OTOGL: variants seen among roughly 807,000 people sequenced by gnomAD.
The protein encoded by OTOGL is otogelin-like protein.
In OTOGL, 285 loss-of-function variants were observed where a neutral mutation model predicts 318.5. That is an observed-to-expected ratio of 0.89 (90% CI 0.81 to 0.99). OTOGL has a LOEUF of 0.99. Ranked by LOEUF, OTOGL falls within the 50% of genes least tolerant of loss-of-function variation. The probability of loss-of-function intolerance (pLI) is 0.00; values close to 1 mark genes in which losing one functional copy is unlikely to be tolerated. For missense variants in OTOGL, 2,899 were observed against 2,845.6 expected, an observed-to-expected ratio of 1.02 and a Z score of -0.43; for synonymous variants, 987 against 936.5, an observed-to-expected ratio of 1.05 and a Z score of -0.99.
At chr12:80,230,738 T>C (rs953963830) in intron 8 of OTOGL, among the ~76,000 whole-genome samples, 1 of 152,190 alleles carries the variant, frequency 6.6e-6, no homozygotes, top group Non-Finnish European at 1.5e-5. Flanking sequence ...ATATTTGCCA[T>C]AATAAAATCA....
intron 8 of OTOGL, among the ~76,000 whole-genome samples, chr12:80,231,747 G>A (rs1395682421): frequency 6.6e-6 from 1 of 151,632 alleles, no homozygotes; most frequent in Non-Finnish European, 1.5e-5. Flanking sequence ...CGATTCTCCT[G>A]CCTCAGCCTC....
intron 8 of OTOGL, among the ~76,000 whole-genome samples, chr12:80,230,906 A>G (rs753422231): frequency 6.6e-6 from 1 of 152,176 alleles, no homozygotes; most frequent in African/African-American, 2.4e-5. Flanking sequence ...CCTAGGTTGC[A>G]TGCTTTTCTT....
At chr12:80,181,144 A>G (rs898503155) in intron 1 of OTOGL, among the ~76,000 whole-genome samples, 3 of 152,178 alleles carry the variant, frequency 2.0e-5, no homozygotes, top group African/African-American at 4.8e-5. Flanking sequence ...TTCAGCAGAT[A>G]TTACAATTAG....
At chr12:80,249,685 G>T (rs1881305532) in intron 11 of OTOGL, among the ~76,000 whole-genome samples, 1 of 152,056 alleles carries the variant, frequency 6.6e-6, no homozygotes, top group Non-Finnish European at 1.5e-5. Context: ...AGCTGTGGTG[G>T]GCTCCACCCA....
intron 9 of OTOGL, among the ~76,000 whole-genome samples, chr12:80,238,098 T>C (rs1459353033): frequency 6.6e-6 from 1 of 152,222 alleles, no homozygotes; most frequent in Non-Finnish European, 1.5e-5. Flanking sequence ...ACTTAAAAAC[T>C]TGATTTAGAA....
intron 1 of OTOGL, among the ~76,000 whole-genome samples, chr12:80,146,213 T>C (rs1304576763): frequency 6.8e-6 from 1 of 147,246 alleles, no homozygotes; most frequent in East Asian, 1.9e-4. Context: ...ATAGCTCTTA[T>C]TATTTTGAGA....
At chr12:80,291,091 C>T (rs973319814) in intron 26 of OTOGL, among the ~76,000 whole-genome samples, 3 of 152,062 alleles carry the variant, frequency 2.0e-5, no homozygotes, top group Non-Finnish European at 4.4e-5. Flanking sequence ...GAAAATATTT[C>T]AAGTAGAGTA....
intron 1 of OTOGL, among the ~76,000 whole-genome samples, chr12:80,161,869 G>C (rs147022342): frequency 1.1e-4 from 17 of 152,240 alleles, no homozygotes; most frequent in African/African-American, 3.8e-4. Flanking sequence ...GCGTTTCCAA[G>C]TATGTTCTTC....
At chr12:80,189,503 G>A (rs1875528861) in intron 1 of OTOGL, 1 of 958,410 alleles carries the variant, frequency 1.0e-6, no homozygotes, top group Non-Finnish European at 1.2e-6. Context: ...AGCAAAAATT[G>A]TTTAGTACTA....
At chr12:80,153,698 C>T (rs375748889) in intron 1 of OTOGL, among the ~76,000 whole-genome samples, 6 of 152,082 alleles carry the variant, frequency 3.9e-5, no homozygotes, top group South Asian at 2.1e-4. Flanking sequence ...CTCTGTGCTC[C>T]GCCTCTGCAT....
At chr12:80,195,961 C>A (rs1281741049) in intron 1 of OTOGL, among the ~76,000 whole-genome samples, 3 of 152,202 alleles carry the variant, frequency 2.0e-5, no homozygotes, top group Non-Finnish European at 4.4e-5. Flanking sequence ...CATCTAAAAT[C>A]ATGAATACAT....
intron 1 of OTOGL, among the ~76,000 whole-genome samples, chr12:80,150,958 A>C (rs1315290760): frequency 6.6e-6 from 1 of 152,206 alleles, no homozygotes; most frequent in Non-Finnish European, 1.5e-5. Context: ...GATTTTGGCA[A>C]TTTGTTCATG....
At chr12:80,147,069 A>T (rs1006977016) in intron 1 of OTOGL, among the ~76,000 whole-genome samples, 1 of 149,848 alleles carries the variant, frequency 6.7e-6, no homozygotes, top group Non-Finnish European at 1.5e-5. Context: ...TTCTGCTCTG[A>T]TTTTAGTTAT....
In OTOGL at chr12:80,342,290, C is replaced by T. The variant is rs1888831647; in HGVS notation, c.5265+128C>T. On this transcript the variant is annotated intron_variant, in intron 44 of 58. Transcript: ENST00000547103. ...AAACCCCCAACCTTCTGTCAGTATG[C>T]TTTGGAATTCAGAATCACTTATTGT... The T allele has an allele frequency of 1.0e-5, 7 of 669,936 alleles. No individual in the cohort carries two copies. In the East Asian group the frequency reaches 2.0e-4, roughly 19 times the overall value. 41.5% of individuals were successfully genotyped at this position (669,936 alleles called of 1,614,324 possible). A position where few individuals can be genotyped will look rare whatever the true frequency, so the allele number is the denominator to read the frequency against.
intron 1 of OTOGL, among the ~76,000 whole-genome samples, chr12:80,101,971 G>T (rs935374651): frequency 6.6e-6 from 1 of 152,266 alleles, no homozygotes. Context: ...AGGATCAATT[G>T]AATCAAGAAA....
chr12:80,373,028 CATTT>C (rs1890978219), intron 57 of OTOGL, among the ~76,000 whole-genome samples: 1 of 151,976 alleles, frequency 6.6e-6, no homozygotes, highest in African/African-American at 2.4e-5. Context: ...CATGAAACCA[CATTT>C]ATTTTTTCTT....
At chr12:80,157,642 A>G (rs777999361) in intron 1 of OTOGL, among the ~76,000 whole-genome samples, 3 of 152,176 alleles carry the variant, frequency 2.0e-5, no homozygotes, top group Non-Finnish European at 4.4e-5. Context: ...TTTTCTTCAT[A>G]TGGATATCCA....
chr12:80,145,833 G>A (rs1415337553), intron 1 of OTOGL, among the ~76,000 whole-genome samples: 5 of 152,038 alleles, frequency 3.3e-5, no homozygotes, highest in African/African-American at 9.7e-5. Context: ...GTGAATGGGA[G>A]TTCACTCATG....
chr12:80,244,329 C>A (rs1880673056), intron 11 of OTOGL, among the ~76,000 whole-genome samples: 1 of 111,238 alleles, frequency 9.0e-6, no homozygotes, highest in Non-Finnish European at 1.7e-5. Context: ...CCTCCCCCCA[C>A]CCCACCACAG....
Sources: allele counts gnomAD v4.1 joint callset (sites outside exome capture counted in the v4.1 genomes callset), GRCh38; gene constraint gnomAD v4.1.1; transcripts MANE v1.5; gene names NCBI Gene and HGNC (gene_info 2026-07-23, HGNC 2026-07-21).